TBL1X: variants seen among roughly 807,000 people sequenced by gnomAD.
TBL1X encodes transducin beta like 1 X-linked.
TBL1X carries 10 observed loss-of-function variants against 50.7 expected under a neutral mutation model. The ratio of observed to expected loss-of-function variants is 0.20; its 90% CI spans 0.12 to 0.33. TBL1X has a LOEUF of 0.33. Among genes scored for constraint, TBL1X ranks in the 10% least tolerant of loss-of-function variants. The pLI, the probability that TBL1X is intolerant of heterozygous loss-of-function variation, is 1.00. For missense variants in TBL1X, 340 were observed against 504.4 expected, an observed-to-expected ratio of 0.67 and a Z score of 3.12; for synonymous variants, 190 against 214.7, an observed-to-expected ratio of 0.88 and a Z score of 1.01.
intron 2 of TBL1X, among the ~76,000 whole-genome samples, chrX:9,601,545 T>C (rs2082556783): frequency 9.0e-6 from 1 of 110,891 alleles, no homozygotes; most frequent in Non-Finnish European, 1.9e-5. Context: ...TAAGGCCTAG[T>C]GGTGTCTTTC....
In TBL1X at chrX:9,676,751, T is replaced by C. The variant is rs1397911823; in HGVS notation, c.212-7292T>C. Among the ~76,000 whole-genome samples the C allele has an allele frequency of 2.7e-5, 3 of 112,297 alleles. No homozygotes were observed. The Admixed American group carries it at 2.8e-4, about 11-fold the overall frequency. On this transcript the variant is annotated intron_variant, in intron 5 of 17. Coordinates refer to ENST00000645353, the MANE Select transcript of TBL1X (RefSeq NM_005647.4). ...TTGAGGACTGGGCCTTGAGGGTTTT[T>C]TTCATATAAACACATTAAAATGGAA... is the stretch of plus-strand genomic sequence containing the variant.
intron 5 of TBL1X, among the ~76,000 whole-genome samples, chrX:9,660,128 G>C (rs780286380): frequency 8.8e-6 from 1 of 113,061 alleles, no homozygotes; most frequent in East Asian, 2.8e-4. Context: ...GGATTCCGCA[G>C]GCTGGGCCCT....
At chrX:9,549,764 A>G (rs2082262082) in intron 2 of TBL1X, among the ~76,000 whole-genome samples, 1 of 112,083 alleles carries the variant, frequency 8.9e-6, no homozygotes, top group Non-Finnish European at 1.9e-5. Context: ...CTCGCTGTAC[A>G]GAATTCTGCG....
chrX:9,691,435 CAAA>C (rs367934787), intron 7 of TBL1X, 141 bp from the exon 8 acceptor site: 2,321 of 354,566 alleles, frequency 6.5e-3, no homozygotes, highest in East Asian at 9.1e-3. Context: ...GATTCCGTCT[CAAA>C]AAAAAAAAAA....
chrX:9,552,462 C>T (rs1254660082), intron 2 of TBL1X, among the ~76,000 whole-genome samples: 2 of 111,737 alleles, frequency 1.8e-5, no homozygotes, highest in East Asian at 5.6e-4. Context: ...TTGTATCACT[C>T]CGACTTAAAC....
At chrX:9,545,403 C>G (rs1448387472) in intron 2 of TBL1X, among the ~76,000 whole-genome samples, 3 of 109,389 alleles carry the variant, frequency 2.7e-5, no homozygotes, top group Non-Finnish European at 5.7e-5. Flanking sequence ...GAAAAATTAG[C>G]CAGGTGTGGT....
intron 2 of TBL1X, among the ~76,000 whole-genome samples, chrX:9,574,328 C>T (rs150333555): frequency 0.036 from 3,951 of 108,332 alleles, 147 homozygotes; most frequent in African/African-American, 0.11. Flanking sequence ...GTAGTGTGTG[C>T]CTGTAGTCCC....
intron 12 of TBL1X, among the ~76,000 whole-genome samples, chrX:9,697,847 G>C (rs1225638947): frequency 4.5e-5 from 5 of 112,208 alleles, no homozygotes; most frequent in Non-Finnish European, 9.4e-5. Flanking sequence ...ACTTCGGAAG[G>C]CTGAGACAGG....
At chrX:9,715,074 G>T in intron 17 of TBL1X, 71 bp downstream of exon 17, 1 of 1,011,787 alleles carries the variant, frequency 9.9e-7, no homozygotes, top group Admixed American at 2.5e-5. Flanking sequence ...AGCTTCCAGG[G>T]CGTGTGCAGC....
At chrX:9,667,766 G>A (rs1290010313) in intron 5 of TBL1X, among the ~76,000 whole-genome samples, 4 of 112,002 alleles carry the variant, frequency 3.6e-5, no homozygotes, top group African/African-American at 1.3e-4. Flanking sequence ...GGGTCCTGTT[G>A]TTTGGAAAGC....
rs188604743 is a variant in TBL1X at position 9,474,538 on chromosome X, T to C, written c.-201+9091T>C. On this transcript the variant is annotated intron_variant, in intron 1 of 17. Transcript: ENST00000645353. ...AAGAATATGCAATAACAGGGAACCATGCACATACTGGATCTATTGTATTTT... is the reference window on the plus strand; with the variant it reads ...AAGAATATGCAATAACAGGGAACCACGCACATACTGGATCTATTGTATTTT... 2.6e-5 allele frequency among the ~76,000 whole-genome samples: 3 copies of C among 113,492 alleles called. No homozygotes were observed. In the Admixed American group the frequency reaches 2.8e-4, roughly 10 times the overall value.
At chrX:9,641,353 C>A (rs1601811440) in intron 3 of TBL1X, among the ~76,000 whole-genome samples, 1 of 111,657 alleles carries the variant, frequency 9.0e-6, no homozygotes, top group Non-Finnish European at 1.9e-5. Flanking sequence ...TATCTTACTA[C>A]CTTTCGGTAC....
chrX:9,608,039 T>G (rs779110288), intron 2 of TBL1X, among the ~76,000 whole-genome samples: 1 of 109,182 alleles, frequency 9.2e-6, no homozygotes, highest in East Asian at 2.9e-4. Flanking sequence ...TCAAACTAAC[T>G]GATCCTCCCG....
At chrX:9,709,359 C>T in intron 14 of TBL1X, 37 bp downstream of exon 14, 1 of 1,187,262 alleles carries the variant, frequency 8.4e-7, no homozygotes, top group Non-Finnish European at 1.1e-6. Context: ...CTGTTTAATC[C>T]TAGACAACCC....
chrX:9,622,853 ATGT>A (rs2082674530), intron 2 of TBL1X, among the ~76,000 whole-genome samples: 1 of 111,788 alleles, frequency 8.9e-6, no homozygotes, highest in Non-Finnish European at 1.9e-5. Context: ...TATAAACAGC[ATGT>A]TGTTTATCCA....
At position 9,709,777 on chromosome X, in the gene TBL1X, C is replaced by G. The variant is rs188190649; in HGVS notation, c.1439+17C>G. 141 of 1,203,004 alleles carry G rather than the reference C, an allele frequency of 1.2e-4. No homozygotes were observed. The African/African-American group carries it at 2.2e-3, about 18-fold the overall frequency. ...GTTGGCAAGGTAAGGGCAGGCAACACAGCTGGCACAGCTCGGTGTTACACA... is the reference window on the plus strand; with the variant it reads ...GTTGGCAAGGTAAGGGCAGGCAACAGAGCTGGCACAGCTCGGTGTTACACA... On this transcript the variant is annotated intron_variant, in intron 15 of 17. Coordinates refer to ENST00000645353, the MANE Select transcript of TBL1X (RefSeq NM_005647.4).
At chrX:9,693,531 G>C in intron 11 of TBL1X, 112 bp downstream of exon 11, 2 of 726,137 alleles carry the variant, frequency 2.8e-6, no homozygotes, top group South Asian at 2.8e-5. Context: ...TTCCCCTTAA[G>C]AAATGAAAAT....
intron 2 of TBL1X, among the ~76,000 whole-genome samples, chrX:9,543,845 A>G (rs1246107965): frequency 8.9e-6 from 1 of 111,880 alleles, no homozygotes; most frequent in East Asian, 2.8e-4. Flanking sequence ...ACAGGGGTGA[A>G]GGGCTACTCT....
chrX:9,596,096 T>C (rs1051126273), intron 2 of TBL1X, among the ~76,000 whole-genome samples: 3 of 112,356 alleles, frequency 2.7e-5, no homozygotes, highest in Non-Finnish European at 3.8e-5. Context: ...AATTATTTTG[T>C]ACATAAAACC....
Sources: gnomAD v4.1 joint callset for allele counts (sites outside exome capture counted in the v4.1 genomes callset) on GRCh38, gnomAD v4.1.1 for gene constraint, MANE v1.5 for transcripts, NCBI Gene and HGNC (gene_info 2026-07-23, HGNC 2026-07-21) for gene names.